The following UMODL1 variants were observed in gnomAD, a reference collection of about 807,000 sequenced individuals.
The protein encoded by UMODL1 is uromodulin like 1, also known as uromodulin-like 1.
Under a neutral mutation model 136.3 loss-of-function variants are expected in UMODL1, and 128 were observed. That is an observed-to-expected ratio of 0.94 (90% CI 0.81 to 1.09). The LOEUF is 1.09. Among genes scored for constraint, UMODL1 ranks in the 50% least tolerant of loss-of-function variants. The probability of loss-of-function intolerance (pLI) is 0.00; values close to 1 mark genes in which losing one functional copy is unlikely to be tolerated. For synonymous variants in UMODL1, 721 were observed against 720.0 expected, an observed-to-expected ratio of 1.00 and a Z score of -0.02; for missense variants, 1,766 against 1,725.6, an observed-to-expected ratio of 1.02 and a Z score of -0.41.
At chr21:42,135,597 G>A (rs2839472) in intron 21 of UMODL1, among the ~76,000 whole-genome samples, 20,279 of 152,184 alleles carry the variant, frequency 0.13, 2,520 homozygotes, top group African/African-American at 0.32. Context: ...AAGGTGGCCC[G>A]TCACTCGAGG....
chr21:42,089,191 G>A (rs2066462630), intron 5 of UMODL1, among the ~76,000 whole-genome samples: 1 of 152,168 alleles, frequency 6.6e-6, no homozygotes, highest in South Asian at 2.1e-4. Context: ...ACGGCTTCCT[G>A]TACCCAAGCA....
chr21:42,095,622 CAGTCGT>C (rs2066548922), intron 6 of UMODL1, among the ~76,000 whole-genome samples: 1 of 152,186 alleles, frequency 6.6e-6, no homozygotes, highest in South Asian at 2.1e-4. Context: ...AATAAGGTCA[CAGTCGT>C]AGGTTGCAGG....
At chr21:42,108,400 G>A (rs757027982) in intron 9 of UMODL1, 1 of 501,924 alleles carries the variant, frequency 2.0e-6, no homozygotes, top group East Asian at 6.0e-5. Flanking sequence ...TGGTGGCATA[G>A]CTGTTGTGGC....
chr21:42,099,083 G>A lies in UMODL1; in HGVS notation c.1089G>A (p.Leu363=). The change falls in exon 7 of 23, where the codon CTG becomes CTA. Residue 363 remains leucine (L), a synonymous_variant. Coordinates refer to ENST00000408910, the MANE Select transcript of UMODL1 (RefSeq NM_001004416.3). This position sits in a 1 kb window ranked among gnomAD's most constrained non-coding sequence, Gnocchi z 4.1. Reference sequence around the variant, plus strand: ...GCGCCAGGACACAGAGCCAGGCACTGGCAGTGGCTGGGCTGGAGGCTGGAG... The same window carrying A: ...GCGCCAGGACACAGAGCCAGGCACTAGCAGTGGCTGGGCTGGAGGCTGGAG... ...LRSARTQSQA[L]AVAGLEAGVL... 6 of 1,614,198 alleles carry A rather than the reference G, an allele frequency of 3.7e-6. No individual in the cohort carries two copies. Among genetic ancestry groups the A allele is most frequent in the Non-Finnish European group, 4.2e-6 (5 of 1,180,050 alleles).
intron 2 of UMODL1, among the ~76,000 whole-genome samples, chr21:42,081,414 G>A (rs2066360622): frequency 6.6e-6 from 1 of 152,154 alleles, no homozygotes; most frequent in African/African-American, 2.4e-5. Flanking sequence ...TTTATTGTTT[G>A]CATTGAGTTA....
In UMODL1 at chr21:42,085,674, G is replaced by A. The variant is rs142879883; in HGVS notation, c.603+262G>A. Among the ~76,000 whole-genome samples the A allele has an allele frequency of 6.6e-5, 10 of 152,336 alleles. No homozygotes were observed. Among genetic ancestry groups the A allele is most frequent in the South Asian group, 2.1e-4 (1 of 4,830 alleles). ...GTGTACCCTCATAGGCCCGCCTGTC[G>A]TGGTGGAGAACGCGGATCCCTAAGC... is the stretch of plus-strand genomic sequence containing the variant. On this transcript the variant is annotated intron_variant, in intron 4 of 22. Coordinates refer to ENST00000408910, the MANE Select transcript of UMODL1 (RefSeq NM_001004416.3). The surrounding 1 kb of genome is among the most constrained non-coding windows in gnomAD (Gnocchi z 4.5).
At position 42,115,916 on chromosome 21, in the gene UMODL1, G is replaced by A. The variant is rs761615559; in HGVS notation, c.2406G>A (p.Arg802=). 10 of 1,613,914 alleles carry A rather than the reference G, an allele frequency of 6.2e-6. No homozygotes were observed. Among genetic ancestry groups the A allele is most frequent in the Non-Finnish European group, 8.5e-6 (10 of 1,180,008 alleles). The change falls in exon 14 of 23, where the codon AGG becomes AGA. Residue 802 remains arginine (R), a synonymous_variant. Transcript: ENST00000408910. The part of the protein sequence containing the change: ...LIGKVRIKNV[R]YSESFRNASS... ...GAAAGGTCAGAATCAAAAATGTCAG[G>A]TACTCAGAATCCTTTCGCAACGCAA...
At chr21:42,083,367 G>A (rs1302786717) in intron 2 of UMODL1, among the ~76,000 whole-genome samples, 1 of 152,208 alleles carries the variant, frequency 6.6e-6, no homozygotes, top group Non-Finnish European at 1.5e-5. Context: ...CATCCCGTCT[G>A]TCAGCACATC....
At chr21:42,140,581 C>T (rs1323862451) in intron 22 of UMODL1, among the ~76,000 whole-genome samples, 2 of 152,138 alleles carry the variant, frequency 1.3e-5, no homozygotes, top group East Asian at 3.8e-4. Context: ...AGAACAATGC[C>T]CCTTGCCTTT....
At chr21:42,098,544 G>A (rs2066585531) in intron 6 of UMODL1, among the ~76,000 whole-genome samples, 2 of 152,164 alleles carry the variant, frequency 1.3e-5, no homozygotes, top group Middle Eastern at 3.4e-3. Context: ...TGAGGTGGGT[G>A]GATCACGAGG....
chr21:42,108,881 T>C (rs56743498), intron 9 of UMODL1, among the ~76,000 whole-genome samples: 7,078 of 76,536 alleles, frequency 0.092, 400 homozygotes, highest in African/African-American at 0.15. Flanking sequence ...ACCCCCGGCG[T>C]GGGAAGTTCA....
chr21:42,106,559 C>G (rs1337565376), intron 9 of UMODL1, among the ~76,000 whole-genome samples: 2 of 152,120 alleles, frequency 1.3e-5, no homozygotes, highest in Non-Finnish European at 2.9e-5. Context: ...GGCCGTCCAT[C>G]CCGGGGCCTG....
chr21:42,074,896 TTTTTTA>T (rs924344145), intron 1 of UMODL1, among the ~76,000 whole-genome samples: 5 of 151,826 alleles, frequency 3.3e-5, no homozygotes, highest in Non-Finnish European at 5.9e-5. Flanking sequence ...TTTTATTTTA[TTTTTTA>T]TTTTTGTTTT....
intron 6 of UMODL1, among the ~76,000 whole-genome samples, chr21:42,095,087 C>CTTTTTTTT (rs1569151178): frequency 8.8e-5 from 3 of 34,040 alleles, no homozygotes; most frequent in African/African-American, 1.5e-4. Flanking sequence ...TTTTCTTCTG[C>CTTTTTTTT]TGTTTTTTTT....
At chr21:42,080,160 AGCCGCCTTTTTCTGGGAT>A (rs756403521) in intron 2 of UMODL1, among the ~76,000 whole-genome samples, 12 of 152,180 alleles carry the variant, frequency 7.9e-5, no homozygotes, top group Non-Finnish European at 1.6e-4. Flanking sequence ...TTTTGATCAA[AGCCGCCTTTTTCTGGGAT>A]GCCACACAGC....
At chr21:42,119,465 A>C in intron 15 of UMODL1, 141 bp downstream of exon 15, 1 of 731,372 alleles carries the variant, frequency 1.4e-6, no homozygotes, top group Non-Finnish European at 2.3e-6. Flanking sequence ...AAGATGTGAA[A>C]TAGATAGGAC....
chr21:42,102,465 G>A (rs1601219566), intron 8 of UMODL1, 187 bp downstream of exon 8: 1 of 494,348 alleles, frequency 2.0e-6, no homozygotes, highest in East Asian at 3.3e-5. Context: ...CTGCTTTTAT[G>A]GGGTACTTAA....
intron 20 of UMODL1, 33 bp from the exon 21 acceptor site, chr21:42,129,680 T>C (rs2067107240): frequency 6.5e-7 from 1 of 1,539,560 alleles, no homozygotes; most frequent in South Asian, 1.2e-5. Flanking sequence ...TTCAATTAAT[T>C]TGACGTTTCT....
chr21:42,064,820 T>A (rs1283081683), intron 1 of UMODL1, among the ~76,000 whole-genome samples: 2 of 152,204 alleles, frequency 1.3e-5, no homozygotes, highest in Admixed American at 6.5e-5. Context: ...CCTCCCAAAG[T>A]GCTGGGATTA....
Sources: gnomAD v4.1 joint callset for allele counts (sites outside exome capture counted in the v4.1 genomes callset) on GRCh38, gnomAD v4.1.1 for gene constraint, Gnocchi (gnomAD v3.1) non-coding constraint, MANE v1.5 for transcripts, NCBI Gene and HGNC (gene_info 2026-07-23, HGNC 2026-07-21) for gene names.